The following APOB variants were observed in gnomAD, a reference collection of about 807,000 sequenced individuals.
APOB encodes the protein apolipoprotein B, also known as apolipoprotein B-100.
A neutral mutation model predicts 314.1 loss-of-function variants in APOB; 153 were observed. The observed-to-expected ratio is 0.49, with a 90% CI of 0.43 to 0.56. APOB has a LOEUF of 0.56. APOB is among the 20% of genes least tolerant of loss of function. The pLI is 0.00. For missense variants in APOB, 5,430 were observed against 5,350.7 expected, an observed-to-expected ratio of 1.01 and a Z score of -0.46; for synonymous variants, 2,087 against 2,036.4, an observed-to-expected ratio of 1.02 and a Z score of -0.67.
Position 21,006,943 on chromosome 2 carries a change from C to T in APOB, c.9925G>A (p.Val3309Ile). The T allele has an allele frequency of 1.2e-6, 2 of 1,614,046 alleles. No individual in the cohort carries two copies. The highest frequency in any genetic ancestry group is 1.7e-6 in the Non-Finnish European group (2 of 1,179,962). The change falls in exon 26 of 29, where the codon GTC becomes ATC. Residue 3309 changes from valine to isoleucine, a missense_variant. By Grantham distance (29) the Val-to-Ile change is conservative. This residue lies in a region of APOB where 3,281 missense variants were observed against 3,171.0 expected (regional missense o/e 1.03). Coordinates refer to ENST00000233242, the MANE Select transcript of APOB (RefSeq NM_000384.3). ...LPSLELPVLH[V>I]PRNLKLSLPD... ...AGAGAAAGCTTGAGATTTCTAGGGA[C>T]ATGAAGGACTGGCAGCTCTAATGAT... is the stretch of plus-strand genomic sequence containing the variant.
At position 21,013,110 on chromosome 2, in the gene APOB, G is replaced by C. The variant is rs12713776; in HGVS notation, c.4216+50C>G. 679 of 1,611,638 alleles carry C rather than the reference G, an allele frequency of 4.2e-4. 1 individual carries two copies. In the African/African-American group the frequency reaches 8.2e-3, roughly 20 times the overall value. On this transcript the variant is annotated intron_variant, in intron 25 of 28. Transcript: ENST00000233242. Reference sequence around the variant, plus strand: ...CTCCCTGGAGGAGGCTCTCCTCTTAGAGCCTGCCATGAACTAGCCCGGTGC... The same window carrying C: ...CTCCCTGGAGGAGGCTCTCCTCTTACAGCCTGCCATGAACTAGCCCGGTGC...
rs754969906 is a variant in APOB at position 21,033,337 on chromosome 2, T to G, written c.1086A>C (p.Ala362=). 2 of 1,614,210 alleles carry G rather than the reference T, an allele frequency of 1.2e-6. No individual in the cohort carries two copies. The highest frequency in any genetic ancestry group is 2.2e-5 in the South Asian group (2 of 91,086). The change falls in exon 9 of 29, where the codon GCA becomes GCC. Residue 362 remains alanine, a synonymous_variant. Coordinates refer to ENST00000233242, the MANE Select transcript of APOB (RefSeq NM_000384.3). ...TCAGCTGTGGCAAGAGAGATGTGAC[T>G]GCTTCATCACTGAGGCCTCTCAGCT... ...VTELRGLSDE[A]VTSLLPQLIE...
intron 17 of APOB, 50 bp downstream of exon 17, chr2:21,023,475 C>A (rs1363370271): frequency 1.2e-6 from 2 of 1,600,138 alleles, no homozygotes. Flanking sequence ...AGAAATGCAC[C>A]CTGGAAGAAA....
chr2:21,036,946 C>T (rs1664016287), intron 6 of APOB, among the ~76,000 whole-genome samples, 154 bp downstream of exon 6: 1 of 152,160 alleles, frequency 6.6e-6, no homozygotes, highest in African/African-American at 2.4e-5. Flanking sequence ...CTGGGCAGAC[C>T]TTCCCGTGCC....
chr2:21,037,210 T>C lies in APOB; in HGVS notation c.583A>G (p.Arg195Gly). ...NCSTHFTVKT[R>G]KGNVATEIST... ...ATTTCTGTTGCCACATTGCCCTTCC[T>C]CGTCTTGACGGTAAAGTGAGTGGAG... is the stretch of plus-strand genomic sequence containing the variant. Residue 195 changes from arginine to glycine, a missense_variant, in exon 6 of 29, where the codon AGG becomes GGG. Physicochemically the swap from Arg to Gly is moderately radical, Grantham distance 125. This residue lies in a region of APOB where 2,085 missense variants were observed against 2,079.7 expected (regional missense o/e 1.00). Transcript: ENST00000233242. 1 of 1,614,174 alleles carries C rather than the reference T, an allele frequency of 6.2e-7. No homozygotes were observed. Among genetic ancestry groups the C allele is most frequent in the Non-Finnish European group, 8.5e-7 (1 of 1,180,022 alleles).
rs138850232 is a variant in APOB, at chr2:21,006,754, A to C, written c.10114T>G (p.Ser3372Ala). Residue 3372 changes from serine (S) to alanine (A), a missense_variant, in exon 26 of 29, where the codon TCT becomes GCT. By Grantham distance (99) the Ser-to-Ala change is moderately conservative. Transcript: ENST00000233242. ...IVAHLLSSSS[S>A]VIDALQYKLE... is the part of the protein sequence containing the mutation. ...TTGTACTGCAGTGCATCAATGACAG[A>C]TGAAGATGAAGAAAGGAGATGAGCA... The C allele has an allele frequency of 1.3e-5, 21 of 1,614,000 alleles. No individual in the cohort carries two copies. Among genetic ancestry groups the C allele is most frequent in the Admixed American group, 8.3e-5 (5 of 60,000 alleles).
At chr2:21,014,641 C>T (rs1663419883) in intron 23 of APOB, 48 bp from the exon 24 acceptor site, 2 of 1,607,994 alleles carry the variant, frequency 1.2e-6, no homozygotes, top group Admixed American at 1.7e-5. Flanking sequence ...GGATGAGCCT[C>T]AAAGAGCAAT....
rs1558560363 is a variant in APOB, at chr2:21,005,093, T to C, written c.11775A>G (p.Glu3925=). ...STCSSTVQFL[E]YELNVLGTHK... ...GATATTTCTTACCATTTAGTTCATA[T>C]TCTAGGAACTGTACGGTTGAGCTGC... is the stretch of plus-strand genomic sequence containing the variant. Residue 3925 remains glutamate (E), a synonymous_variant, in exon 26 of 29, where the codon GAA becomes GAG. Transcript: ENST00000233242. 2 of 1,613,898 alleles carry C rather than the reference T, an allele frequency of 1.2e-6. No individual in the cohort carries two copies. Among genetic ancestry groups the C allele is most frequent in the Admixed American group, 3.3e-5 (2 of 60,010 alleles).
Position 21,007,793 on chromosome 2 carries a change from T to A in APOB, c.9075A>T (p.Leu3025Phe). 1 of 1,614,060 alleles carries A rather than the reference T, an allele frequency of 6.2e-7. No individual in the cohort carries two copies. Among genetic ancestry groups the A allele is most frequent in the Non-Finnish European group, 8.5e-7 (1 of 1,179,944 alleles). ...TCAAAGTTCCAATAACCTTTCCATTTAAATGAGCATCATGCCTCCCAGTAA... is the reference window on the plus strand; with the variant it reads ...TCAAAGTTCCAATAACCTTTCCATTAAAATGAGCATCATGCCTCCCAGTAA... ...AEFTGRHDAH[L>F]NGKVIGTLKN... Residue 3025 changes from leucine (L) to phenylalanine (F), a missense_variant, in exon 26 of 29, where the codon TTA becomes TTT. Physicochemically the swap from Leu to Phe is conservative, Grantham distance 22. Coordinates refer to ENST00000233242, the MANE Select transcript of APOB (RefSeq NM_000384.3).
At position 21,011,940 on chromosome 2, in the gene APOB, G is replaced by A. The variant is rs1008238083; in HGVS notation, c.4928C>T (p.Ala1643Val). Residue 1643 changes from alanine to valine, a missense_variant, in exon 26 of 29, where the codon GCG (alanine) becomes GTG (valine). Transcript: ENST00000233242. ...TDKINSGAHK[A>V]TLRIGQDGIS... is the part of the protein sequence containing the mutation. ...TCCATCTTGGCCAATCCTTAGTGTC[G>A]CCTTGTGAGCACCACTATTAATTTT... The A allele has an allele frequency of 4.0e-5, 64 of 1,613,822 alleles. No homozygotes were observed. Among genetic ancestry groups the A allele is most frequent in the Middle Eastern group, 1.6e-4 (1 of 6,084 alleles).
In APOB at chr2:21,002,036, C is replaced by G; in HGVS notation, c.13386G>C (p.Gly4462=). The change falls in exon 29 of 29, where the codon GGG becomes GGC. Residue 4462 remains glycine (G), a synonymous_variant. Coordinates refer to ENST00000233242, the MANE Select transcript of APOB (RefSeq NM_000384.3). ...CAGAAAGCTCTGCAATCTTCTCTTTCCCTTTTCCATCTGGATCGGTAAGGA... is the reference window on the plus strand; with the variant it reads ...CAGAAAGCTCTGCAATCTTCTCTTTGCCTTTTCCATCTGGATCGGTAAGGA... The part of the protein sequence containing the change: ...LSILTDPDGK[G]KEKIAELSAT... 6.2e-7 allele frequency: 1 copy of G among 1,613,984 alleles called. No homozygotes were observed. Among genetic ancestry groups the G allele is most frequent in the Admixed American group, 1.7e-5 (1 of 60,014 alleles).
At chr2:21,024,642 A>C (rs1268193101) in intron 16 of APOB, 1 of 536,050 alleles carries the variant, frequency 1.9e-6, no homozygotes, top group African/African-American at 2.0e-5. Flanking sequence ...ATAAAAATAA[A>C]AGGACCTTCA....
chr2:21,023,761 TC>T, intron 16 of APOB, 69 bp from the exon 17 acceptor site: 1 of 1,338,018 alleles, frequency 7.5e-7, no homozygotes, highest in Non-Finnish European at 1.0e-6. Flanking sequence ...AATTACAACC[TC>T]CCATACATTG....
Position 21,010,746 on chromosome 2 carries a change from T to C in APOB, c.6122A>G (p.Glu2041Gly). ...GGGCTTCTCAACGGCATCTCTCATC[T>C]CTAAAGCATCAATGATATTGATGGG... Reference protein sequence around the residue: ...SEPINIIDALEMRDAVEKPQE... With the variant: ...SEPINIIDALGMRDAVEKPQE... Residue 2041 changes from glutamate (E) to glycine (G), a missense_variant, in exon 26 of 29, where the codon GAG becomes GGG. Around this residue, in one of 3 missense-constraint regions of APOB, gnomAD observed 3,281 missense variants for 3,171.0 expected, o/e 1.03. Transcript: ENST00000233242. 2 of 1,614,122 alleles carry C rather than the reference T, an allele frequency of 1.2e-6. No individual in the cohort carries two copies. Among genetic ancestry groups the C allele is most frequent in the Non-Finnish European group, 1.7e-6 (2 of 1,179,966 alleles).
At position 21,013,379 on chromosome 2, in the gene APOB, G is replaced by A. The variant is rs121918383; in HGVS notation, c.3997C>T (p.Arg1333Ter). ...GTAAAAGTAGGGACTTGGAACTCTC[G>A]AGATGGCAGATGGAATCCCACAGAC... The part of the protein sequence containing the change: ...FKSVGFHLPS[R>*]EFQVPTFTIP... Residue 1333 changes from arginine to a stop codon, truncating the protein, a stop_gained, in exon 25 of 29, where the codon CGA becomes TGA. Transcript: ENST00000233242. LOFTEE classifies it high-confidence loss of function. The A allele has an allele frequency of 1.2e-6, 2 of 1,614,184 alleles. No homozygotes were observed. Among genetic ancestry groups the A allele is most frequent in the Non-Finnish European group, 1.7e-6 (2 of 1,180,024 alleles).
rs377697247 is a variant in APOB, at chr2:21,023,651, A to G, written c.2478T>C (p.Phe826=). 3.1e-6 allele frequency: 5 copies of G among 1,613,184 alleles called. No individual in the cohort carries two copies. The highest frequency in any genetic ancestry group is 4.2e-6 in the Non-Finnish European group (5 of 1,179,118). Residue 826 remains phenylalanine, a synonymous_variant, in exon 17 of 29, where the codon TTT becomes TTC. Coordinates refer to ENST00000233242, the MANE Select transcript of APOB (RefSeq NM_000384.3). ...VIRKGSKNDF[F]LHYIFMENAF... ...CATTCTCCATGAAGATGTAGTGAAG[A>G]AAAAAGTCATTCTTTGAGCCCTTCC...
Position 21,006,812 on chromosome 2 carries a change from G to A in APOB, c.10056C>T (p.Thr3352=), listed in dbSNP as rs369022661. ...SFKSSVITLN[T]NAELFNQSDI... ...CTGACTGGTTAAAAAGTTCAGCATT[G>A]GTATTCAGTGTGATGACACTTGATT... The change falls in exon 26 of 29, where the codon ACC becomes ACT. Residue 3352 remains threonine (T), a synonymous_variant. Transcript: ENST00000233242. 1.9e-6 allele frequency: 3 copies of A among 1,613,892 alleles called. No homozygotes were observed. The African/African-American group carries it at 4.0e-5, about 22-fold the overall frequency.
chr2:21,023,226 T>G (rs2103370450), intron 17 of APOB, among the ~76,000 whole-genome samples, 184 bp from the exon 18 acceptor site: 1 of 152,304 alleles, frequency 6.6e-6, no homozygotes, highest in Non-Finnish European at 1.5e-5. Flanking sequence ...TGGAGTATAC[T>G]ACCCAGAACT....
At chr2:21,022,401 G>T (rs529504498) in intron 18 of APOB, among the ~76,000 whole-genome samples, 1 of 152,296 alleles carries the variant, frequency 6.6e-6, no homozygotes, top group East Asian at 1.9e-4. Flanking sequence ...GAGGTTAGGA[G>T]TTTCATGCTT....
Sources: allele counts gnomAD v4.1 joint callset (sites outside exome capture counted in the v4.1 genomes callset), GRCh38; gene constraint gnomAD v4.1.1; regional missense constraint gnomAD v4.1.1; transcripts MANE v1.5; gene names NCBI Gene and HGNC (gene_info 2026-07-23, HGNC 2026-07-21).